The following SAMD4A variants were observed in gnomAD, a reference collection of about 807,000 sequenced individuals.
SAMD4A encodes sterile alpha motif domain containing 4A, also known as protein Smaug homolog 1.
SAMD4A carries 33 observed loss-of-function variants against 81.3 expected under a neutral mutation model. That is an observed-to-expected ratio of 0.41 (90% CI 0.31 to 0.54). SAMD4A has a LOEUF of 0.54. Among genes scored for constraint, SAMD4A ranks in the 20% least tolerant of loss-of-function variants. The probability of loss-of-function intolerance (pLI) is 0.37; values close to 1 mark genes in which losing one functional copy is unlikely to be tolerated. For synonymous variants in SAMD4A, 389 were observed against 382.1 expected, an observed-to-expected ratio of 1.02 and a Z score of -0.21; for missense variants, 854 against 951.1, an observed-to-expected ratio of 0.90 and a Z score of 1.34.
Position 54,702,635 on chromosome 14 carries a change from G to A in SAMD4A, c.715+55G>A, listed in dbSNP as rs77189562. On this transcript the variant is annotated intron_variant, in intron 3 of 12. Transcript: ENST00000554335. ...TCTGGTTTGGCGATTTGCTGTGTATGTGGCATGTCCTGCTGACAGTGTCTG... is the reference window on the plus strand; with the variant it reads ...TCTGGTTTGGCGATTTGCTGTGTATATGGCATGTCCTGCTGACAGTGTCTG... 2,401 of 1,577,304 alleles carry A rather than the reference G, an allele frequency of 1.5e-3. 8 individuals carry two copies. The highest frequency in any genetic ancestry group is 7.7e-3 in the Middle Eastern group (46 of 5,964).
At chr14:54,591,527 GTT>G (rs55702356) in intron 2 of SAMD4A, among the ~76,000 whole-genome samples, 2 of 147,110 alleles carry the variant, frequency 1.4e-5, no homozygotes, top group African/African-American at 4.9e-5. Flanking sequence ...CCTGTATTTT[GTT>G]TTTTTTTTTT....
At chr14:54,742,053 G>T (rs542654683) in intron 4 of SAMD4A, among the ~76,000 whole-genome samples, 9 of 152,254 alleles carry the variant, frequency 5.9e-5, no homozygotes, top group African/African-American at 2.2e-4. Context: ...ATACATCAAA[G>T]TGCGGAAGGG....
intron 2 of SAMD4A, among the ~76,000 whole-genome samples, chr14:54,596,264 C>T (rs1029050257): frequency 2.0e-5 from 3 of 152,084 alleles, no homozygotes; most frequent in South Asian, 2.1e-4. Flanking sequence ...AACAGAAGAA[C>T]GCCATCACCA....
intron 2 of SAMD4A, among the ~76,000 whole-genome samples, chr14:54,576,201 G>A (rs1037499776): frequency 1.3e-5 from 2 of 151,984 alleles, no homozygotes; most frequent in Admixed American, 6.6e-5. Flanking sequence ...TAGAATCCAA[G>A]CGTCTGTGTG....
chr14:54,634,556 G>A (rs181837605), intron 2 of SAMD4A, among the ~76,000 whole-genome samples: 384 of 152,176 alleles, frequency 2.5e-3, no homozygotes, highest in Non-Finnish European at 4.0e-3. Context: ...TAGGGTCTGC[G>A]CTTCTATGAG....
intron 3 of SAMD4A, among the ~76,000 whole-genome samples, chr14:54,719,864 A>G (rs1003952869): frequency 2.0e-5 from 3 of 151,718 alleles, no homozygotes; most frequent in Non-Finnish European, 2.9e-5. Context: ...CTATTCTCCT[A>G]CTCCCATCTG....
chr14:54,649,211 T>C (rs1470422622), intron 2 of SAMD4A, among the ~76,000 whole-genome samples: 1 of 152,200 alleles, frequency 6.6e-6, no homozygotes, highest in Non-Finnish European at 1.5e-5. Flanking sequence ...CCTGGAGCTG[T>C]CTCATGATTT....
At position 54,776,015 on chromosome 14, in the gene SAMD4A, TAAAA is replaced by T. The variant is rs10539223; in HGVS notation, c.1918-375_1918-372del. Among the ~76,000 whole-genome samples the T allele has an allele frequency of 3.3e-3, 295 of 89,832 alleles. 1 individual carries two copies. The highest frequency in any genetic ancestry group is 6.5e-3 in the Middle Eastern group (1 of 154). The allele number at this position is 89,832 out of a possible 152,430, so 58.9% of individuals were successfully genotyped here. The stretch of plus-strand genomic sequence containing the variant: ...GCTTTGGAGTACATTGTAAGAATCT[TAAAA>T]AAAAAAAAAAAAAAAAAAAAAAATC... On this transcript the variant is annotated intron_variant, in intron 10 of 12. Transcript: ENST00000554335.
At chr14:54,746,366 G>T (rs1048322075) in intron 4 of SAMD4A, among the ~76,000 whole-genome samples, 1 of 152,158 alleles carries the variant, frequency 6.6e-6, no homozygotes, top group African/African-American at 2.4e-5. Context: ...AGCTTACATT[G>T]CCCAGGAATG....
Position 54,787,682 on chromosome 14 carries a change from G to A in SAMD4A, c.2129-1234G>A, listed in dbSNP as rs572942547. 5.3e-5 allele frequency among the ~76,000 whole-genome samples: 8 copies of A among 152,320 alleles called. No homozygotes were observed. In the South Asian group the frequency reaches 6.2e-4, roughly 12 times the overall value. ...GTCACTGAACGCAGTTATTCCTACC[G>A]CCTGTGATGGCTAATCCATGCCTCT... is the stretch of plus-strand genomic sequence containing the variant. On this transcript the variant is annotated intron_variant, in intron 12 of 12. Coordinates refer to ENST00000554335, the MANE Select transcript of SAMD4A (RefSeq NM_015589.6).
chr14:54,578,158 G>A lies in SAMD4A; in HGVS notation c.196+10046G>A, dbSNP rs141077998. Among the ~76,000 whole-genome samples the A allele has an allele frequency of 3.7e-4, 56 of 152,218 alleles. No homozygotes were observed. In the East Asian group the frequency reaches 9.5e-3, roughly 26 times the overall value. ...GGTAGGAACTGCCATTATTCCATTT[G>A]TCAGGGAGGAAACAAGCACTCTGGC... On this transcript the variant is annotated intron_variant, in intron 2 of 12. Coordinates refer to ENST00000554335, the MANE Select transcript of SAMD4A (RefSeq NM_015589.6).
intron 2 of SAMD4A, among the ~76,000 whole-genome samples, chr14:54,698,261 A>G (rs374642038): frequency 6.6e-6 from 1 of 152,270 alleles, no homozygotes; most frequent in African/African-American, 2.4e-5. Flanking sequence ...ACATTTATAT[A>G]ATGTTTATAA....
intron 2 of SAMD4A, among the ~76,000 whole-genome samples, chr14:54,583,466 A>T (rs977902183): frequency 6.6e-6 from 1 of 152,024 alleles, no homozygotes; most frequent in African/African-American, 2.4e-5. Context: ...GCCTCTTCAG[A>T]ATTCTGTTGT....
In SAMD4A at chr14:54,748,777, C is replaced by T. The variant is rs950432034; in HGVS notation, c.980-38C>T. On this transcript the variant is annotated intron_variant, in intron 4 of 12. Transcript: ENST00000554335. ...CTCGTCATCTCTTCTCATTCCCTCTCATTTCTCTCCCCATCTCTTGCACAT... is the reference window on the plus strand; with the variant it reads ...CTCGTCATCTCTTCTCATTCCCTCTTATTTCTCTCCCCATCTCTTGCACAT... 3 of 1,361,364 alleles carry T rather than the reference C, an allele frequency of 2.2e-6. No homozygotes were observed. The East Asian group carries it at 7.5e-5, about 34-fold the overall frequency. The allele number at this position is 1,361,364 out of a possible 1,614,324, so 84.3% of individuals were successfully genotyped here.
intron 2 of SAMD4A, among the ~76,000 whole-genome samples, chr14:54,677,750 A>T (rs553675733): frequency 2.5e-4 from 38 of 152,294 alleles, no homozygotes; most frequent in Non-Finnish European, 4.4e-5. Flanking sequence ...ATATTGTTTT[A>T]ATTAGTCTTA....
At chr14:54,701,394 C>T (rs1009001306) in intron 2 of SAMD4A, among the ~76,000 whole-genome samples, 1 of 152,218 alleles carries the variant, frequency 6.6e-6, no homozygotes, top group African/African-American at 2.4e-5. Context: ...ACAAGCTGAT[C>T]TCTACATAAA....
intron 2 of SAMD4A, among the ~76,000 whole-genome samples, chr14:54,579,583 A>G (rs954186538): frequency 6.6e-6 from 1 of 152,218 alleles, no homozygotes; most frequent in South Asian, 2.1e-4. Flanking sequence ...CAGCTTGTCC[A>G]TTTAAATATT....
chr14:54,754,774 A>T (rs187061273), intron 6 of SAMD4A: 4 of 969,136 alleles, frequency 4.1e-6, no homozygotes, highest in Non-Finnish European at 4.9e-6. Context: ...GGCCCCGCCC[A>T]TAGTTAGTTC....
intron 2 of SAMD4A, chr14:54,694,633 G>A (rs2036533387): frequency 1.0e-6 from 1 of 985,602 alleles, no homozygotes; most frequent in Non-Finnish European, 1.2e-6. Flanking sequence ...ATGGGCCAGA[G>A]GTCAGAACCG....
Sources: gnomAD v4.1 joint callset for allele counts (sites outside exome capture counted in the v4.1 genomes callset) on GRCh38, gnomAD v4.1.1 for gene constraint, MANE v1.5 for transcripts, NCBI Gene and HGNC (gene_info 2026-07-23, HGNC 2026-07-21) for gene names.